SCMH1: variants seen among roughly 807,000 people sequenced by gnomAD.
The protein encoded by SCMH1 is polycomb protein SCMH1.
In SCMH1, 37 loss-of-function variants were observed where a neutral mutation model predicts 70.8. The ratio of observed to expected loss-of-function variants is 0.52; its 90% confidence interval spans 0.40 to 0.69. The LOEUF is 0.69. Ranked by LOEUF, SCMH1 falls within the 30% of genes least tolerant of loss-of-function variation. SCMH1 has a pLI of 0.00. For synonymous variants in SCMH1, 292 were observed against 307.4 expected (o/e 0.95, Z 0.52); for missense variants, 607 against 827.3 (o/e 0.73, Z 3.27).
At chr1:41,221,987 A>G (rs1659398251) in intron 1 of SCMH1, among the ~76,000 whole-genome samples, 1 of 150,602 alleles carries the variant, frequency 6.6e-6, no homozygotes, top group Admixed American at 6.6e-5. Flanking sequence ...ATAAGTCTTG[A>G]GAGAGCAGAA....
At chr1:41,086,206 A>C (rs182649378) in intron 8 of SCMH1, among the ~76,000 whole-genome samples, 1 of 152,174 alleles carries the variant, frequency 6.6e-6, no homozygotes. Context: ...TCTATTGGAC[A>C]GTGCATCCCT....
chr1:41,153,920 C>A (rs1476119533), intron 4 of SCMH1, among the ~76,000 whole-genome samples: 2 of 152,100 alleles, frequency 1.3e-5, no homozygotes, highest in Non-Finnish European at 2.9e-5. Context: ...GGTATAGATC[C>A]AGAGTTAGCA....
intron 8 of SCMH1, among the ~76,000 whole-genome samples, chr1:41,079,034 AG>A (rs1170211704): frequency 1.3e-5 from 2 of 152,222 alleles, no homozygotes; most frequent in East Asian, 3.8e-4. Flanking sequence ...ATTTGGGAGT[AG>A]TTAGAGCACT....
At chr1:41,199,562 G>A (rs1012802782) in intron 1 of SCMH1, among the ~76,000 whole-genome samples, 3 of 152,050 alleles carry the variant, frequency 2.0e-5, no homozygotes, top group Non-Finnish European at 4.4e-5. Context: ...TGGAAGTTAA[G>A]GTTAAGGCAC....
chr1:41,099,141 C>G (rs1006788470), intron 8 of SCMH1: 1 of 225,898 alleles, frequency 4.4e-6, no homozygotes, highest in Non-Finnish European at 9.3e-6. Context: ...TAAAGTGAGT[C>G]CAGCTGGCTA....
At chr1:41,096,790 C>A (rs1417141361) in intron 8 of SCMH1, among the ~76,000 whole-genome samples, 1 of 151,820 alleles carries the variant, frequency 6.6e-6, no homozygotes, top group East Asian at 1.9e-4. Context: ...TTCTCCTTTC[C>A]CTACCTTTTT....
chr1:41,113,200 G>A lies in SCMH1; in HGVS notation c.745+83C>T. The A allele has an allele frequency of 6.6e-7, 1 of 1,518,080 alleles. No homozygotes were observed. The highest frequency in any genetic ancestry group is 8.9e-7 in the Non-Finnish European group (1 of 1,127,352). 94.0% of individuals were successfully genotyped at this position (1,518,080 alleles called of 1,614,324 possible). ...CCCTGCATACTAGTGAAGTATACTGGTGAAGATATGATCATGACAGCCCTG... is the reference window on the plus strand; with the variant it reads ...CCCTGCATACTAGTGAAGTATACTGATGAAGATATGATCATGACAGCCCTG... On this transcript the variant is annotated intron_variant, in intron 8 of 14. Transcript: ENST00000337495. This position sits in a 1 kb window ranked among gnomAD's most constrained non-coding sequence, Gnocchi z 4.3.
At chr1:41,135,753 G>T (rs978267932) in intron 6 of SCMH1, among the ~76,000 whole-genome samples, 1 of 152,104 alleles carries the variant, frequency 6.6e-6, no homozygotes, top group African/African-American at 2.4e-5. Context: ...GTATGTGGCT[G>T]GTGAGGATCA....
chr1:41,035,373 A>G (rs1407776324), intron 13 of SCMH1, among the ~76,000 whole-genome samples: 1 of 152,190 alleles, frequency 6.6e-6, no homozygotes, highest in African/African-American at 2.4e-5. Context: ...CTAGGTTGCT[A>G]AGAATCACAG....
chr1:41,238,856 GA>G (rs1662918521), intron 1 of SCMH1, among the ~76,000 whole-genome samples: 1 of 152,010 alleles, frequency 6.6e-6, no homozygotes, highest in Non-Finnish European at 1.5e-5. Flanking sequence ...TCAAGAAATT[GA>G]AAATCTTCAA....
intron 8 of SCMH1, among the ~76,000 whole-genome samples, chr1:41,092,432 C>T (rs1663846083): frequency 6.6e-6 from 1 of 152,090 alleles, no homozygotes; most frequent in African/African-American, 2.4e-5. Flanking sequence ...AGGAGAAAAC[C>T]TAGGCAATAC....
intron 8 of SCMH1, among the ~76,000 whole-genome samples, chr1:41,085,838 C>CTTTT (rs59678945): frequency 1.2e-5 from 1 of 85,614 alleles, no homozygotes; most frequent in Non-Finnish European, 2.1e-5. Flanking sequence ...ATTTCACCTG[C>CTTTT]TTTTTTTTTT....
chr1:41,061,718 T>A (rs184113727), intron 10 of SCMH1, among the ~76,000 whole-genome samples: 1 of 152,292 alleles, frequency 6.6e-6, no homozygotes, highest in Admixed American at 6.5e-5. Flanking sequence ...AGCCCCTCAA[T>A]CAACTGAAAT....
intron 10 of SCMH1, among the ~76,000 whole-genome samples, chr1:41,056,085 C>T (rs1650177975): frequency 6.6e-6 from 1 of 152,198 alleles, no homozygotes; most frequent in Admixed American, 6.5e-5. Flanking sequence ...GGCTCTGTGA[C>T]TGATTGATCA....
chr1:41,042,595 T>C (rs1355537116), intron 12 of SCMH1, among the ~76,000 whole-genome samples: 2 of 152,084 alleles, frequency 1.3e-5, no homozygotes, highest in Non-Finnish European at 2.9e-5. Flanking sequence ...GCCACATGCA[T>C]AGTTCTGAAG....
chr1:41,234,111 CT>C (rs1661837474), intron 1 of SCMH1, among the ~76,000 whole-genome samples: 2 of 152,162 alleles, frequency 1.3e-5, no homozygotes, highest in Non-Finnish European at 2.9e-5. Context: ...TCCTCACCCT[CT>C]ATCTGGTGAA....
intron 2 of SCMH1, among the ~76,000 whole-genome samples, chr1:41,182,157 C>G (rs980430986): frequency 6.4e-4 from 98 of 152,162 alleles, no homozygotes; most frequent in African/African-American, 2.3e-3. Context: ...AATGAGAACA[C>G]ATGGACACAG....
chr1:41,122,674 A>G (rs1209623616), intron 6 of SCMH1, among the ~76,000 whole-genome samples: 1 of 152,220 alleles, frequency 6.6e-6, no homozygotes, highest in Non-Finnish European at 1.5e-5. Flanking sequence ...CAACGTTACA[A>G]GTCAAGGTAA....
chr1:41,152,594 C>T (rs764262692), intron 4 of SCMH1: 2 of 1,614,072 alleles, frequency 1.2e-6, no homozygotes, highest in African/African-American at 1.3e-5. Context: ...CCCCCTAATA[C>T]CCACCTAGAG....
Sources: gnomAD v4.1 joint callset for allele counts (sites outside exome capture counted in the v4.1 genomes callset) on GRCh38, gnomAD v4.1.1 for gene constraint, Gnocchi (gnomAD v3.1) non-coding constraint, MANE v1.5 for transcripts, NCBI Gene and HGNC (gene_info 2026-07-23, HGNC 2026-07-21) for gene names.